The following OCA2 variants were observed in gnomAD, a reference collection of about 807,000 sequenced individuals.
OCA2 encodes the protein OCA2 melanosomal transmembrane protein, also known as P protein.
Under a neutral mutation model 100.2 loss-of-function variants are expected in OCA2, and 77 were observed. The observed-to-expected ratio is 0.77, with a 90% CI of 0.64 to 0.93. The LOEUF (loss-of-function observed/expected upper bound fraction) is 0.93, where lower values mean the gene tolerates loss of function less well. Ranked by LOEUF, OCA2 falls within the 40% of genes least tolerant of loss-of-function variation. The pLI is 0.00. For missense variants in OCA2, 1,062 were observed against 1,089.1 expected (o/e 0.98, Z 0.35); for synonymous variants, 432 against 439.2 (o/e 0.98, Z 0.21).
chr15:28,085,962 C>T (rs2044769049), intron 1 of OCA2, among the ~76,000 whole-genome samples: 1 of 152,210 alleles, frequency 6.6e-6, no homozygotes, highest in Non-Finnish European at 1.5e-5. Flanking sequence ...CCCACATCCA[C>T]TCAGGAGAGC....
chr15:28,097,617 C>A (rs1324950612), intron 1 of OCA2, among the ~76,000 whole-genome samples: 3 of 152,158 alleles, frequency 2.0e-5, no homozygotes, highest in Non-Finnish European at 4.4e-5. Flanking sequence ...CACCTGTGGA[C>A]AGGTGGCCGC....
At chr15:27,775,411 A>G (rs1408103302) in intron 23 of OCA2, among the ~76,000 whole-genome samples, 1 of 152,144 alleles carries the variant, frequency 6.6e-6, no homozygotes, top group Non-Finnish European at 1.5e-5. Context: ...ACACCTATGG[A>G]GATGGTATTA....
At chr15:27,911,727 C>A (rs575659306) in intron 19 of OCA2, among the ~76,000 whole-genome samples, 1 of 152,174 alleles carries the variant, frequency 6.6e-6, no homozygotes, top group African/African-American at 2.4e-5. Flanking sequence ...GACCCAAACA[C>A]CTTCCATGAG....
intron 19 of OCA2, among the ~76,000 whole-genome samples, chr15:27,874,914 A>G (rs2036726298): frequency 6.6e-6 from 1 of 152,234 alleles, no homozygotes; most frequent in Admixed American, 6.5e-5. Flanking sequence ...TGTAAATGCA[A>G]TCAAAATGCA....
chr15:27,932,094 A>G (rs1478258624), intron 18 of OCA2, among the ~76,000 whole-genome samples: 3 of 152,228 alleles, frequency 2.0e-5, no homozygotes, highest in African/African-American at 7.2e-5. Flanking sequence ...ATGCAATACT[A>G]TAGGTAGATG....
chr15:28,031,577 G>C (rs1051268449), intron 3 of OCA2, among the ~76,000 whole-genome samples: 3 of 152,222 alleles, frequency 2.0e-5, no homozygotes, highest in Non-Finnish European at 4.4e-5. Flanking sequence ...AGGAAATTGA[G>C]TTTTCTTGTG....
chr15:27,794,418 GC>G lies in OCA2; in HGVS notation c.2433-38947del, dbSNP rs143983515. Among the ~76,000 whole-genome samples, 524 of 152,252 alleles carry G rather than the reference GC, an allele frequency of 3.4e-3. 2 individuals are homozygous for G. The highest frequency in any genetic ancestry group is 0.012 in the African/African-American group (491 of 41,540). ...ATTTTGAGGCAGATTTTTACATGTG[GC>G]CTCCCCCACTCTGTCAGGAAACAAC... On this transcript the variant is annotated intron_variant, in intron 23 of 23. Coordinates refer to ENST00000354638, the MANE Select transcript of OCA2 (RefSeq NM_000275.3).
intron 18 of OCA2, among the ~76,000 whole-genome samples, chr15:27,947,239 A>G (rs577703681): frequency 5.9e-5 from 9 of 152,198 alleles, no homozygotes; most frequent in Non-Finnish European, 1.3e-4. Context: ...CAAGAGGCCC[A>G]AGGGGAAAGC....
chr15:27,951,765 A>C lies in OCA2; in HGVS notation c.1951+19T>G. On this transcript the variant is annotated intron_variant, in intron 18 of 23. Coordinates refer to ENST00000354638, the MANE Select transcript of OCA2 (RefSeq NM_000275.3). ...CAGAATGTGACAAAGCCTATGAACC[A>C]AAGCTAAATTAGACTCACCAAGATC... 1 of 1,518,524 alleles carries C rather than the reference A, an allele frequency of 6.6e-7. No homozygotes were observed. Among genetic ancestry groups the C allele is most frequent in the South Asian group, 1.1e-5 (1 of 89,022 alleles). The allele number at this position is 1,518,524 out of a possible 1,614,324, so 94.1% of individuals were successfully genotyped here.
At chr15:28,008,772 G>A in intron 9 of OCA2, among the ~76,000 whole-genome samples, 1 of 152,238 alleles carries the variant, frequency 6.6e-6, no homozygotes, top group East Asian at 1.9e-4. Context: ...GATGAGAAGG[G>A]ATCAGGGAGG....
At chr15:27,897,592 C>G (rs931927734) in intron 19 of OCA2, among the ~76,000 whole-genome samples, 6 of 152,218 alleles carry the variant, frequency 3.9e-5, no homozygotes, top group African/African-American at 9.6e-5. Flanking sequence ...ATGGGAACAC[C>G]TGGATGTCCA....
intron 2 of OCA2, among the ~76,000 whole-genome samples, chr15:28,054,010 T>C (rs1205619620): frequency 6.6e-6 from 1 of 152,086 alleles, no homozygotes; most frequent in Non-Finnish European, 1.5e-5. Flanking sequence ...GGGTGTGTGT[T>C]TGTAAATGTG....
chr15:28,067,907 ATCTAT>A (rs1392916244), intron 2 of OCA2, among the ~76,000 whole-genome samples: 2 of 152,088 alleles, frequency 1.3e-5, no homozygotes, highest in Non-Finnish European at 2.9e-5. Flanking sequence ...TGACTTGGTG[ATCTAT>A]CTAACACTGT....
intron 23 of OCA2, among the ~76,000 whole-genome samples, chr15:27,780,174 AT>A (rs1189234461): frequency 6.6e-6 from 1 of 152,196 alleles, no homozygotes; most frequent in Non-Finnish European, 1.5e-5. Context: ...GGCCCTCCAC[AT>A]GCTGAGAGGG....
At chr15:27,870,812 G>GAA (rs375097418) in intron 21 of OCA2, among the ~76,000 whole-genome samples, 205 of 146,698 alleles carry the variant, frequency 1.4e-3, no homozygotes, top group African/African-American at 5.2e-3. Context: ...AAGAAAGAAA[G>GAA]AGAGAGAGAA....
At chr15:27,938,217 C>T (rs919941040) in intron 18 of OCA2, among the ~76,000 whole-genome samples, 5 of 152,216 alleles carry the variant, frequency 3.3e-5, no homozygotes, top group African/African-American at 1.2e-4. Context: ...CCTCTTAAAC[C>T]AAATGGGCAC....
chr15:27,896,405 G>C (rs886913767), intron 19 of OCA2: 1 of 723,278 alleles, frequency 1.4e-6, no homozygotes. Flanking sequence ...TGATGGAGGA[G>C]ATGTAAAAGA....
chr15:27,831,284 C>CAAAAAAAAAAAAAAAAAAAAAAA (rs71132824), intron 23 of OCA2, among the ~76,000 whole-genome samples: 2 of 62,634 alleles, frequency 3.2e-5, no homozygotes, highest in African/African-American at 6.4e-5. Flanking sequence ...GACTCCGTCT[C>CAAAAAAAAAAAAAAAAAAAAAAA]AAAAAAAAAA....
At chr15:27,814,676 G>C (rs996131246) in intron 23 of OCA2, among the ~76,000 whole-genome samples, 2 of 152,124 alleles carry the variant, frequency 1.3e-5, no homozygotes, top group Non-Finnish European at 2.9e-5. Context: ...TCAGGAGCTC[G>C]AGACCAGCCT....
Sources: allele counts gnomAD v4.1 joint callset (sites outside exome capture counted in the v4.1 genomes callset), GRCh38; gene constraint gnomAD v4.1.1; transcripts MANE v1.5; gene names NCBI Gene and HGNC (gene_info 2026-07-23, HGNC 2026-07-21).